CFAP69: variants seen among roughly 807,000 people sequenced by gnomAD.
The protein encoded by CFAP69 is cilia- and flagella-associated protein 69.
CFAP69 carries 92 observed loss-of-function variants against 123.0 expected under a neutral mutation model. That is an observed-to-expected ratio of 0.75 (90% CI 0.63 to 0.89). The LOEUF (loss-of-function observed/expected upper bound fraction) is 0.89, where lower values mean the gene tolerates loss of function less well. Among genes scored for constraint, CFAP69 ranks in the 40% least tolerant of loss-of-function variants. The probability of loss-of-function intolerance (pLI) is 0.00; values close to 1 mark genes in which losing one functional copy is unlikely to be tolerated. For missense variants in CFAP69, 1,067 were observed against 1,096.9 expected, an observed-to-expected ratio of 0.97 and a Z score of 0.39; for synonymous variants, 380 against 364.3, an observed-to-expected ratio of 1.04 and a Z score of -0.49.
At chr7:90,297,912 C>A in intron 16 of CFAP69, 82 bp downstream of exon 16, 1 of 891,632 alleles carries the variant, frequency 1.1e-6, no homozygotes, top group Non-Finnish European at 1.7e-6. Flanking sequence ...CCACAGAGCA[C>A]AAGTCTATGA....
intron 4 of CFAP69, among the ~76,000 whole-genome samples, chr7:90,265,019 C>T (rs966883239): frequency 6.6e-6 from 1 of 152,116 alleles, no homozygotes; most frequent in Non-Finnish European, 1.5e-5. Context: ...ATCTCAACCT[C>T]TTGACCTCGT....
chr7:90,274,857 T>C (rs17867609), intron 9 of CFAP69, among the ~76,000 whole-genome samples: 6,779 of 152,264 alleles, frequency 0.045, 196 homozygotes, highest in South Asian at 0.11. Flanking sequence ...TAAATTTAAG[T>C]CTTTGAGAAG....
At chr7:90,319,412 C>A in the CFAP69 span, 15 of 398,406 alleles carry the variant, frequency 3.8e-5, no homozygotes, top group Non-Finnish European at 6.2e-5. Flanking sequence ...TGTCTTCTGC[C>A]CATTCCATGA....
chr7:90,323,719 A>G, the CFAP69 span, among the ~76,000 whole-genome samples: 2 of 152,180 alleles, frequency 1.3e-5, no homozygotes, highest in African/African-American at 4.8e-5. Context: ...AGGAAGGAAG[A>G]TGTGGTTGGA....
At chr7:90,270,354 A>G (rs1354969751) in intron 6 of CFAP69, 1 of 152,168 alleles carries the variant, frequency 6.6e-6, no homozygotes, top group Non-Finnish European at 1.5e-5. Flanking sequence ...TAGGATGGGG[A>G]AAAGCTTACA....
chr7:90,276,788 C>T (rs1008029586), intron 9 of CFAP69, among the ~76,000 whole-genome samples: 3 of 152,130 alleles, frequency 2.0e-5, no homozygotes, highest in Admixed American at 2.0e-4. Context: ...GGATCCTTAA[C>T]AATTTTAAAC....
chr7:90,305,684 G>A (rs1422960958), intron 19 of CFAP69, among the ~76,000 whole-genome samples: 3 of 151,326 alleles, frequency 2.0e-5, no homozygotes, highest in African/African-American at 7.3e-5. Flanking sequence ...TCTTCTCTTT[G>A]GAGTTGAAAT....
downstream of CFAP69, among the ~76,000 whole-genome samples, chr7:90,312,017 A>G (rs1212158161): frequency 1.3e-5 from 2 of 152,244 alleles, no homozygotes; most frequent in Admixed American, 6.5e-5. Context: ...TGAAGTGTCC[A>G]TGGCTAACAA....
chr7:90,288,084 G>T (rs1790566997), intron 14 of CFAP69, 150 bp from the exon 15 acceptor site: 2 of 569,152 alleles, frequency 3.5e-6, no homozygotes, highest in Non-Finnish European at 5.8e-6. Flanking sequence ...AGTAAGTACG[G>T]TTTTTTAAAT....
intron 15 of CFAP69, among the ~76,000 whole-genome samples, chr7:90,293,867 T>C (rs748924748): frequency 7.1e-4 from 108 of 152,296 alleles, no homozygotes; most frequent in Non-Finnish European, 1.4e-3. Flanking sequence ...GCAGGCAAGT[T>C]ACAGTAAGAG....
intron 19 of CFAP69, among the ~76,000 whole-genome samples, chr7:90,306,493 G>A (rs896068943): frequency 1.3e-5 from 2 of 152,092 alleles, no homozygotes; most frequent in African/African-American, 2.4e-5. Flanking sequence ...TAATCCCCAT[G>A]TTCATTCTCC....
intron 17 of CFAP69, chr7:90,300,589 G>C (rs1792647803): frequency 4.9e-6 from 2 of 412,222 alleles, no homozygotes; most frequent in Non-Finnish European, 6.5e-6. Flanking sequence ...GAGACTTACA[G>C]TATCATAATT....
chr7:90,300,039 A>T lies in CFAP69; in HGVS notation c.2030A>T (p.Asp677Val). The change falls in exon 17 of 23, where the codon GAT becomes GTT. Residue 677 changes from aspartate (D) to valine (V), a missense_variant. Transcript: ENST00000389297. Reference protein sequence around the residue: ...KEEKELGVKRDKNGKIIDTKK... With the variant: ...KEEKELGVKRVKNGKIIDTKK... ...GAAAAAGAACTAGGAGTAAAACGTG[A>T]TAAAAATGGGAAGATCATTGGTGAG... is the stretch of plus-strand genomic sequence containing the variant. 4 of 1,593,658 alleles carry T rather than the reference A, an allele frequency of 2.5e-6. No homozygotes were observed. Among genetic ancestry groups the T allele is most frequent in the Non-Finnish European group, 3.4e-6 (4 of 1,170,716 alleles).
rs747962978 is a variant in CFAP69, at chr7:90,307,793, A to G, written c.2489A>G (p.Glu830Gly). 3 of 1,611,392 alleles carry G rather than the reference A, an allele frequency of 1.9e-6. No homozygotes were observed. The highest frequency in any genetic ancestry group is 2.5e-6 in the Non-Finnish European group (3 of 1,178,522). The change falls in exon 21 of 23, where the codon GAG (glutamate) becomes GGG (glycine). Residue 830 changes from glutamate (E) to glycine (G), a missense_variant. Glu to Gly is a moderately conservative substitution (Grantham distance 98, BLOSUM62 -2). Transcript: ENST00000389297. ...ATACAGGCCACGCACAAGCAAAGAG[A>G]GCTGGCTAATAAATCATGGGAAGAT... The part of the protein sequence containing the change: ...AKIQATHKQR[E>G]LANKSWEDFL...
Position 90,255,476 on chromosome 7 carries a change from T to C in CFAP69, c.174T>C (p.Thr58=). ...LNRVIKLLEE[T]DKDGLEEKQL... is the part of the protein sequence containing the mutation. ...GTGTCATCAAACTCCTCGAAGAGACTGATAAAGTGAGTAAGCTTTGAGAGA... is the reference window on the plus strand; with the variant it reads ...GTGTCATCAAACTCCTCGAAGAGACCGATAAAGTGAGTAAGCTTTGAGAGA... The change falls in exon 2 of 23, where the codon ACT becomes ACC. Residue 58 remains threonine (T), a synonymous_variant. Transcript: ENST00000389297. The C allele has an allele frequency of 1.2e-6, 2 of 1,611,708 alleles. No homozygotes were observed. The highest frequency in any genetic ancestry group is 1.3e-5 in the African/African-American group (1 of 74,994).
intron 14 of CFAP69, 31 bp downstream of exon 14, chr7:90,286,430 T>A: frequency 6.2e-7 from 1 of 1,605,122 alleles, no homozygotes. Context: ...TTTGTTCAGG[T>A]CTCCCAGTCA....
intron 5 of CFAP69, 57 bp from the exon 6 acceptor site, chr7:90,268,229 T>C: frequency 9.1e-7 from 1 of 1,097,148 alleles, no homozygotes; most frequent in Non-Finnish European, 1.3e-6. Flanking sequence ...ATGCCTAAAT[T>C]CTACAAATAA....
At chr7:90,255,609 A>G (rs1262539367) in intron 2 of CFAP69, 127 bp downstream of exon 2, 2 of 688,304 alleles carry the variant, frequency 2.9e-6, no homozygotes, top group African/African-American at 3.6e-5. Context: ...TTTAAATAGT[A>G]CATATCTTAT....
chr7:90,282,998 T>C lies in CFAP69; in HGVS notation c.1479T>C (p.Leu493=), dbSNP rs778989608. 1 of 1,591,266 alleles carries C rather than the reference T, an allele frequency of 6.3e-7. No homozygotes were observed. The highest frequency in any genetic ancestry group is 1.8e-5 in the Admixed American group (1 of 56,464). ...GACTCCTGAGAGCCGTGGTCTACCTTGAAGATGAGACTGTAAACAAAGATC... is the reference window on the plus strand; with the variant it reads ...GACTCCTGAGAGCCGTGGTCTACCTCGAAGATGAGACTGTAAACAAAGATC... ...SLRLLRAVVY[L]EDETVNKDLC... Residue 493 remains leucine, a synonymous_variant, in exon 13 of 23, where the codon CTT becomes CTC. Coordinates refer to ENST00000389297, the MANE Select transcript of CFAP69 (RefSeq NM_001039706.3).
Sources: allele counts gnomAD v4.1 joint callset (sites outside exome capture counted in the v4.1 genomes callset), GRCh38; gene constraint gnomAD v4.1.1; transcripts MANE v1.5; gene names NCBI Gene and HGNC (gene_info 2026-07-23, HGNC 2026-07-21).